Variants in VRK1 observed in about 807,000 individuals in gnomAD.
VRK1 encodes VRK serine/threonine kinase 1.
A neutral mutation model predicts 57.1 loss-of-function variants in VRK1; 33 were observed. That is an observed-to-expected ratio of 0.58 (90% CI 0.44 to 0.77). The LOEUF (loss-of-function observed/expected upper bound fraction) is 0.77. Among genes scored for constraint, VRK1 ranks in the 30% least tolerant of loss-of-function variants. The probability of loss-of-function intolerance (pLI) is 0.00; values close to 1 mark genes in which losing one functional copy is unlikely to be tolerated. For synonymous variants in VRK1, 137 were observed against 147.8 expected (o/e 0.93, Z 0.53); for missense variants, 413 against 477.3 (o/e 0.87, Z 1.25).
At position 96,842,209 on chromosome 14, in the gene VRK1, A is replaced by T. The variant is rs139720414; in HGVS notation, c.217-3886A>T. On this transcript the variant is annotated intron_variant, in intron 3 of 12. Coordinates refer to ENST00000216639, the MANE Select transcript of VRK1 (RefSeq NM_003384.3). Reference sequence around the variant, plus strand: ...TATACTACTCTTTTCATTTACTCTCAACTTCCTCATGTCATTCACTTTCCT... The same window carrying T: ...TATACTACTCTTTTCATTTACTCTCTACTTCCTCATGTCATTCACTTTCCT... Among the ~76,000 whole-genome samples, 63 of 152,220 alleles carry T rather than the reference A, an allele frequency of 4.1e-4. 1 individual carries two copies. The East Asian group carries it at 0.012, about 29-fold the overall frequency.
intron 1 of VRK1, among the ~76,000 whole-genome samples, chr14:96,803,142 C>T (rs986600236): frequency 3.3e-5 from 5 of 151,698 alleles, no homozygotes; most frequent in Non-Finnish European, 7.4e-5. Flanking sequence ...AGTAGTGACC[C>T]CAAGTGCAAG....
chr14:96,801,024 C>CCTA (rs1885639742), intron 1 of VRK1, among the ~76,000 whole-genome samples: 1 of 152,114 alleles, frequency 6.6e-6, no homozygotes, highest in African/African-American at 2.4e-5. Flanking sequence ...AACTGAAAGT[C>CCTA]ATTAGGAACA....
chr14:96,836,726 C>T (rs1307317732), intron 2 of VRK1, among the ~76,000 whole-genome samples: 5 of 151,944 alleles, frequency 3.3e-5, no homozygotes, highest in Non-Finnish European at 7.4e-5. Flanking sequence ...CGGGGTTTCA[C>T]CTTGTTGGCC....
At chr14:96,872,534 A>G (rs1888864173) in intron 11 of VRK1, among the ~76,000 whole-genome samples, 1 of 152,208 alleles carries the variant, frequency 6.6e-6, no homozygotes, top group African/African-American at 2.4e-5. Flanking sequence ...AAATACATTA[A>G]GAACACAGCA....
At chr14:96,797,682 C>T (rs1885489450) in intron 1 of VRK1, among the ~76,000 whole-genome samples, 1 of 152,132 alleles carries the variant, frequency 6.6e-6, no homozygotes, top group Non-Finnish European at 1.5e-5. Context: ...CAGGCGCCCC[C>T]GGGGATGCCT....
At chr14:96,853,773 C>T (rs1188051926) in intron 7 of VRK1, among the ~76,000 whole-genome samples, 1 of 151,920 alleles carries the variant, frequency 6.6e-6, no homozygotes. Context: ...ATACAATTTT[C>T]CTGTATAACT....
At chr14:96,848,276 G>T (rs868007421) in intron 5 of VRK1, among the ~76,000 whole-genome samples, 2 of 152,246 alleles carry the variant, frequency 1.3e-5, no homozygotes, top group Non-Finnish European at 2.9e-5. Context: ...GGTATCTATC[G>T]TGTGTTGTGA....
At chr14:96,821,934 T>G (rs1886614279) in intron 1 of VRK1, among the ~76,000 whole-genome samples, 1 of 152,102 alleles carries the variant, frequency 6.6e-6, no homozygotes, top group African/African-American at 2.4e-5. Flanking sequence ...TGGGATGCTA[T>G]TCCTCTAGAG....
At chr14:96,824,625 G>A (rs973822560) in intron 1 of VRK1, among the ~76,000 whole-genome samples, 3 of 151,954 alleles carry the variant, frequency 2.0e-5, no homozygotes, top group African/African-American at 7.3e-5. Context: ...GGAAAAGAAA[G>A]GATGATAGCA....
At chr14:96,843,846 T>C (rs1251587536) in intron 3 of VRK1, among the ~76,000 whole-genome samples, 1 of 152,188 alleles carries the variant, frequency 6.6e-6, no homozygotes, top group Non-Finnish European at 1.5e-5. Context: ...GTTTATTGGA[T>C]TAGAAGAAGT....
At chr14:96,833,721 G>C (rs1887104817) in intron 2 of VRK1, 90 bp downstream of exon 2, 4 of 1,577,698 alleles carry the variant, frequency 2.5e-6, no homozygotes, top group Non-Finnish European at 3.5e-6. Context: ...GTTATGGGAT[G>C]TTCCTAATAA....
rs555112883 is a variant in VRK1 at position 96,824,074 on chromosome 14, T to C, written c.-5-9393T>C. On this transcript the variant is annotated intron_variant, in intron 1 of 12. Transcript: ENST00000216639. The stretch of plus-strand genomic sequence containing the variant: ...AATAAACATCAATTATTTTTTCAAA[T>C]AAATGTCCTGAATTTCCAAAGATCT... 3.5e-4 allele frequency among the ~76,000 whole-genome samples: 53 copies of C among 152,334 alleles called. No homozygotes were observed. In the South Asian group the frequency reaches 7.0e-3, roughly 20 times the overall value.
At chr14:96,860,850 T>A in intron 11 of VRK1, 115 bp downstream of exon 11, 1 of 1,075,872 alleles carries the variant, frequency 9.3e-7, no homozygotes, top group African/African-American at 1.6e-5. Flanking sequence ...GCATGGCAAT[T>A]AAGGCAAACA....
chr14:96,855,478 A>G, intron 8 of VRK1, 122 bp downstream of exon 8: 1 of 1,468,906 alleles, frequency 6.8e-7, no homozygotes, highest in South Asian at 1.2e-5. Flanking sequence ...GCACAGTGGC[A>G]TGAGGAAAGA....
At position 96,876,106 on chromosome 14, in the gene VRK1, A is replaced by G; in HGVS notation, c.1145A>G (p.Glu382Gly). 1 of 1,613,606 alleles carries G rather than the reference A, an allele frequency of 6.2e-7. No individual in the cohort carries two copies. Among genetic ancestry groups the G allele is most frequent in the Non-Finnish European group, 8.5e-7 (1 of 1,179,610 alleles). ...DTEWSNTQTE[E>G]AIQTRSRTRK... is the part of the protein sequence containing the mutation. ...GAATGGTCAAACACACAGACAGAGG[A>G]GGCCATACAGACCCGTAAGTTGAAC... The change falls in exon 12 of 13, where the codon GAG becomes GGG. Residue 382 changes from glutamate to glycine, a missense_variant. Coordinates refer to ENST00000216639, the MANE Select transcript of VRK1 (RefSeq NM_003384.3).
chr14:96,840,342 G>C (rs1036632544), intron 3 of VRK1, among the ~76,000 whole-genome samples: 2 of 152,146 alleles, frequency 1.3e-5, no homozygotes, highest in Non-Finnish European at 1.5e-5. Context: ...TGCAGTGGGA[G>C]GGCTAACTGG....
chr14:96,838,009 T>G (rs1401987600), intron 3 of VRK1, among the ~76,000 whole-genome samples, 192 bp downstream of exon 3: 1 of 152,068 alleles, frequency 6.6e-6, no homozygotes, highest in Non-Finnish European at 1.5e-5. Flanking sequence ...GTTCCTCTCT[T>G]GAAATAAAGT....
At chr14:96,833,743 C>T in intron 2 of VRK1, 112 bp downstream of exon 2, 1 of 1,506,248 alleles carries the variant, frequency 6.6e-7, no homozygotes, top group South Asian at 1.2e-5. Flanking sequence ...CTGCAGTCAA[C>T]TTAATAGTTT....
Position 96,833,629 on chromosome 14 carries a change from T to C in VRK1, c.158T>C (p.Leu53Pro). ...IGQGGFGCIY[L>P]ADMNSSESVG... ...CAAGGAGGCTTTGGCTGTATATATC[T>C]TGGTAAGTGTGTGACTGCTTCTAAT... The change falls in exon 2 of 13, where the codon CTT (leucine) becomes CCT (proline). Residue 53 changes from leucine (L) to proline (P), a missense_variant and splice_region_variant. Physicochemically the swap from Leu to Pro is moderately conservative, Grantham distance 98. Coordinates refer to ENST00000216639, the MANE Select transcript of VRK1 (RefSeq NM_003384.3). The C allele has an allele frequency of 2.5e-6, 4 of 1,613,590 alleles. No homozygotes were observed. Among genetic ancestry groups the C allele is most frequent in the Non-Finnish European group, 3.4e-6 (4 of 1,179,582 alleles).
Sources: gnomAD v4.1 joint callset for allele counts (sites outside exome capture counted in the v4.1 genomes callset) on GRCh38, gnomAD v4.1.1 for gene constraint, MANE v1.5 for transcripts, NCBI Gene and HGNC (gene_info 2026-07-23, HGNC 2026-07-21) for gene names.